The following SV2B variants were observed in gnomAD, a reference collection of about 807,000 sequenced individuals.
The protein encoded by SV2B is synaptic vesicle glycoprotein 2B, also known as solute carrier family 22 member B2.
SV2B carries 41 observed loss-of-function variants against 73.9 expected under a neutral mutation model. The observed-to-expected ratio is 0.56, with a 90% CI of 0.43 to 0.72. The LOEUF is 0.72. Ranked by LOEUF, SV2B falls within the 30% of genes least tolerant of loss-of-function variation. SV2B has a pLI of 0.00. For synonymous variants in SV2B, 314 were observed against 314.2 expected (o/e 1.00, Z 0.01); for missense variants, 764 against 857.8 (o/e 0.89, Z 1.37).
chr15:91,236,698 C>T lies in SV2B; in HGVS notation c.451+9984C>T, dbSNP rs567894444. ...CATATACTCCCCGTAGAACCAAAAC[C>T]TCCATGCCATTTACTTTGCTTATAA... On this transcript the variant is annotated intron_variant, in intron 2 of 12. Coordinates refer to ENST00000394232, the MANE Select transcript of SV2B (RefSeq NM_001323032.3). This position sits in a 1 kb window ranked among gnomAD's most constrained non-coding sequence, Gnocchi z 4.1. 6.6e-6 allele frequency among the ~76,000 whole-genome samples: 1 copy of T among 152,240 alleles called. No homozygotes were observed. Among genetic ancestry groups the T allele is most frequent in the Non-Finnish European group, 1.5e-5 (1 of 68,022 alleles).
intron 1 of SV2B, among the ~76,000 whole-genome samples, chr15:91,114,227 C>G (rs1263114374): frequency 6.7e-6 from 1 of 149,440 alleles, no homozygotes. Context: ...ACAATGTACC[C>G]TGGATTGGAG....
chr15:91,113,203 CT>C (rs1335749669), intron 1 of SV2B, among the ~76,000 whole-genome samples: 3 of 152,186 alleles, frequency 2.0e-5, no homozygotes, highest in African/African-American at 7.2e-5. Flanking sequence ...TTTCCTCGTC[CT>C]CCTGGGCACA....
chr15:91,193,538 G>A (rs970141339), intron 1 of SV2B, among the ~76,000 whole-genome samples: 2 of 152,154 alleles, frequency 1.3e-5, no homozygotes, highest in African/African-American at 4.8e-5. Context: ...CTAATCGAGA[G>A]GCAGATCTCA....
Position 91,115,242 on chromosome 15 carries a change from C to G in SV2B, c.-392+14879C>G, listed in dbSNP as rs2042144544. 6.6e-6 allele frequency among the ~76,000 whole-genome samples: 1 copy of G among 152,214 alleles called. No individual in the cohort carries two copies. Among genetic ancestry groups the G allele is most frequent in the African/African-American group, 2.4e-5 (1 of 41,448 alleles). ...TTGCTGAAAGAAGAGGACATGGGTC[C>G]TGAGCAGGCGAAACCCACAGACGTC... On this transcript the variant is annotated intron_variant, in intron 1 of 12. Coordinates refer to ENST00000394232, the MANE Select transcript of SV2B (RefSeq NM_001323032.3). The surrounding 1 kb of genome is among the most constrained non-coding windows in gnomAD (Gnocchi z 4.3).
chr15:91,266,548 T>C (rs2048107477), intron 6 of SV2B, 34 bp from the exon 7 acceptor site: 2 of 1,545,732 alleles, frequency 1.3e-6, no homozygotes, highest in Middle Eastern at 1.7e-4. Flanking sequence ...CAAAGTGGGG[T>C]TCAAATTCTC....
chr15:91,273,240 C>G (rs1217823116), intron 9 of SV2B, among the ~76,000 whole-genome samples: 2 of 152,148 alleles, frequency 1.3e-5, no homozygotes, highest in South Asian at 2.1e-4. Context: ...GTTTCTTGAT[C>G]CCAGAAAGTT....
chr15:91,103,249 G>A (rs1195908620), intron 1 of SV2B, among the ~76,000 whole-genome samples: 3 of 152,192 alleles, frequency 2.0e-5, no homozygotes, highest in African/African-American at 7.2e-5. Flanking sequence ...CAGGAATTAA[G>A]GACACTGTGG....
chr15:91,287,659 C>T (rs563816518), intron 11 of SV2B, among the ~76,000 whole-genome samples: 18 of 152,178 alleles, frequency 1.2e-4, no homozygotes, highest in Admixed American at 2.0e-4. Flanking sequence ...TGGACTTCTC[C>T]GCCCTGCTGG....
rs2049086527 is a variant in SV2B, at chr15:91,292,663, G to C, written c.*111G>C. 1 of 1,342,530 alleles carries C rather than the reference G, an allele frequency of 7.4e-7. No homozygotes were observed. The highest frequency in any genetic ancestry group is 1.5e-5 in the African/African-American group (1 of 67,382). 83.2% of individuals were successfully genotyped at this position (1,342,530 alleles called of 1,614,324 possible). ...GGACACCTTGGATAGCACGGGAGGA[G>C]AAGTTGACTTTGTGACCCCTAGTTT... On this transcript the variant is annotated 3_prime_UTR_variant, in exon 13 of 13. Coordinates refer to ENST00000394232, the MANE Select transcript of SV2B (RefSeq NM_001323032.3).
Position 91,241,517 on chromosome 15 carries a change from T to C in SV2B, c.452-10302T>C, listed in dbSNP as rs1412390927. Among the ~76,000 whole-genome samples, 2 of 152,166 alleles carry C rather than the reference T, an allele frequency of 1.3e-5. No homozygotes were observed. Among genetic ancestry groups the C allele is most frequent in the Non-Finnish European group, 2.9e-5 (2 of 68,032 alleles). ...TCTCCTTGATGGTTATTTTGTGTCT[T>C]ATCCACTATTTTCCAATTTCCAGCA... On this transcript the variant is annotated intron_variant, in intron 2 of 12. Coordinates refer to ENST00000394232, the MANE Select transcript of SV2B (RefSeq NM_001323032.3). The surrounding 1 kb of genome is among the most constrained non-coding windows in gnomAD (Gnocchi z 4.8).
At chr15:91,206,030 G>A (rs962706423) in intron 1 of SV2B, among the ~76,000 whole-genome samples, 1 of 150,638 alleles carries the variant, frequency 6.6e-6, no homozygotes, top group Non-Finnish European at 1.5e-5. Context: ...TGTGGTGGTG[G>A]TGGTTGTGGG....
chr15:91,288,357 A>G lies in SV2B; in HGVS notation c.1709-1164A>G, dbSNP rs984148207. Among the ~76,000 whole-genome samples, 2 of 152,230 alleles carry G rather than the reference A, an allele frequency of 1.3e-5. No individual in the cohort carries two copies. Among genetic ancestry groups the G allele is most frequent in the Non-Finnish European group, 2.9e-5 (2 of 68,036 alleles). On this transcript the variant is annotated intron_variant, in intron 11 of 12. Coordinates refer to ENST00000394232, the MANE Select transcript of SV2B (RefSeq NM_001323032.3). This position sits in a 1 kb window ranked among gnomAD's most constrained non-coding sequence, Gnocchi z 5.8. ...ATATACGATGTGGAATGATTAAGTCAAGCTAATTAACATATCCATCACCAC... is the reference window on the plus strand; with the variant it reads ...ATATACGATGTGGAATGATTAAGTCGAGCTAATTAACATATCCATCACCAC...
At chr15:91,211,889 C>A (rs944186423) in intron 1 of SV2B, among the ~76,000 whole-genome samples, 1 of 151,280 alleles carries the variant, frequency 6.6e-6, no homozygotes, top group African/African-American at 2.4e-5. Flanking sequence ...GATCCTCCCG[C>A]ATCAGCCTCC....
intron 1 of SV2B, among the ~76,000 whole-genome samples, chr15:91,167,955 A>AAGT (rs2043973304): frequency 6.6e-6 from 1 of 152,120 alleles, no homozygotes; most frequent in South Asian, 2.1e-4. Context: ...ATGTAAATTT[A>AAGT]ATTTTCACGG....
In SV2B at chr15:91,258,112, G is replaced by C. The variant is rs771002825; in HGVS notation, c.785-309G>C. On this transcript the variant is annotated intron_variant, in intron 4 of 12. Coordinates refer to ENST00000394232, the MANE Select transcript of SV2B (RefSeq NM_001323032.3). The surrounding 1 kb of genome is among the most constrained non-coding windows in gnomAD (Gnocchi z 4.7). ...ATTGTTTCTGTTTGTACTCTTATCCGAGGCTCTGTAAATGTCAGGCCAGGC... is the reference window on the plus strand; with the variant it reads ...ATTGTTTCTGTTTGTACTCTTATCCCAGGCTCTGTAAATGTCAGGCCAGGC... Among the ~76,000 whole-genome samples, 3 of 152,156 alleles carry C rather than the reference G, an allele frequency of 2.0e-5. No individual in the cohort carries two copies. Among genetic ancestry groups the C allele is most frequent in the East Asian group, 1.9e-4 (1 of 5,198 alleles).
At position 91,281,193 on chromosome 15, in the gene SV2B, G is replaced by A. The variant is rs961163688; in HGVS notation, c.1374-535G>A. 2.0e-5 allele frequency among the ~76,000 whole-genome samples: 3 copies of A among 152,160 alleles called. No homozygotes were observed. Among genetic ancestry groups the A allele is most frequent in the African/African-American group, 4.8e-5 (2 of 41,448 alleles). On this transcript the variant is annotated intron_variant, in intron 9 of 12. Transcript: ENST00000394232. This position sits in a 1 kb window ranked among gnomAD's most constrained non-coding sequence, Gnocchi z 4.7. ...GTGGTATTCCTAGGTCAAAGAGAAC[G>A]TGCATTTCAAATTTTGCAAAATTGC...
intron 1 of SV2B, among the ~76,000 whole-genome samples, chr15:91,211,984 T>C (rs184652579): frequency 3.7e-4 from 56 of 152,282 alleles, no homozygotes; most frequent in African/African-American, 9.6e-4. Context: ...AGAATTATTT[T>C]TGAATCAACT....
chr15:91,205,288 T>C (rs1407042388), intron 1 of SV2B, among the ~76,000 whole-genome samples: 1 of 151,962 alleles, frequency 6.6e-6, no homozygotes, highest in African/African-American at 2.4e-5. Flanking sequence ...CACCAAAGAA[T>C]GGTGATCAGT....
intron 1 of SV2B, among the ~76,000 whole-genome samples, chr15:91,185,212 G>A (rs770009174): frequency 1.3e-5 from 2 of 152,152 alleles, no homozygotes; most frequent in Non-Finnish European, 2.9e-5. Context: ...TGGGACTACA[G>A]GCACATGCCA....
Sources: gnomAD v4.1 joint callset for allele counts (sites outside exome capture counted in the v4.1 genomes callset) on GRCh38, gnomAD v4.1.1 for gene constraint, Gnocchi (gnomAD v3.1) non-coding constraint, MANE v1.5 for transcripts, NCBI Gene and HGNC (gene_info 2026-07-23, HGNC 2026-07-21) for gene names.